The following DPP10 variants were observed in gnomAD, a reference collection of about 807,000 sequenced individuals.
DPP10 encodes dipeptidyl peptidase like 10, also known as inactive dipeptidyl peptidase 10.
DPP10 carries 33 observed loss-of-function variants against 120.9 expected under a neutral mutation model. The observed-to-expected ratio is 0.27, with a 90% CI of 0.21 to 0.37. The LOEUF (loss-of-function observed/expected upper bound fraction) is 0.37. DPP10 is among the 10% of genes least tolerant of loss of function. The probability of loss-of-function intolerance (pLI) is 1.00; values close to 1 mark genes in which losing one functional copy is unlikely to be tolerated. For synonymous variants in DPP10, 337 were observed against 326.1 expected (o/e 1.03, Z -0.36); for missense variants, 816 against 942.8 (o/e 0.87, Z 1.76).
In DPP10 at chr2:115,727,948, A is replaced by G. The variant is rs746141390; in HGVS notation, c.697+12A>G. ...CTGGTTATATGAAGGTGAGTTGATCAGATTTAGTTTCAAAGGAAACAAATG... is the reference window on the plus strand; with the variant it reads ...CTGGTTATATGAAGGTGAGTTGATCGGATTTAGTTTCAAAGGAAACAAATG... On this transcript the variant is annotated intron_variant, in intron 8 of 25. Coordinates refer to ENST00000410059, the MANE Select transcript of DPP10 (RefSeq NM_020868.6). 6.3e-7 allele frequency: 1 copy of G among 1,591,012 alleles called. No homozygotes were observed. Among genetic ancestry groups the G allele is most frequent in the Non-Finnish European group, 8.5e-7 (1 of 1,172,880 alleles).
intron 1 of DPP10, among the ~76,000 whole-genome samples, chr2:114,812,947 T>C (rs950010409): frequency 6.6e-6 from 1 of 152,176 alleles, no homozygotes; most frequent in African/African-American, 2.4e-5. Flanking sequence ...TCCGTATTTT[T>C]TAAGATGCGA....
At chr2:114,839,152 T>G (rs1198483233) in intron 1 of DPP10, among the ~76,000 whole-genome samples, 1 of 152,228 alleles carries the variant, frequency 6.6e-6, no homozygotes. Context: ...TAGCAATTAT[T>G]TCTTGGATGG....
chr2:115,834,495 CAGT>C (rs1450132759), intron 21 of DPP10, among the ~76,000 whole-genome samples: 10 of 137,376 alleles, frequency 7.3e-5, no homozygotes, highest in Admixed American at 2.2e-4. Context: ...ACAGATAGCT[CAGT>C]AGGTCATTTT....
intron 1 of DPP10, among the ~76,000 whole-genome samples, chr2:114,571,012 G>C (rs1457663267): frequency 6.6e-6 from 1 of 151,924 alleles, no homozygotes; most frequent in African/African-American, 2.4e-5. Flanking sequence ...CGGCTTCCAG[G>C]GACTCATCTA....
At chr2:115,436,755 AT>A (rs2071536235) in intron 3 of DPP10, among the ~76,000 whole-genome samples, 1 of 151,926 alleles carries the variant, frequency 6.6e-6, no homozygotes, top group African/African-American at 2.4e-5. Flanking sequence ...TATTGGTCTA[AT>A]TTGAAATTTT....
At chr2:114,713,677 A>G (rs1472114050) in intron 1 of DPP10, among the ~76,000 whole-genome samples, 1 of 152,166 alleles carries the variant, frequency 6.6e-6, no homozygotes, top group Non-Finnish European at 1.5e-5. Context: ...AAAAAGAAAA[A>G]TAATAAGGAT....
chr2:114,547,897 G>A (rs1253853788), intron 1 of DPP10, among the ~76,000 whole-genome samples: 1 of 152,184 alleles, frequency 6.6e-6, no homozygotes, highest in Non-Finnish European at 1.5e-5. Flanking sequence ...TGACCCAGCA[G>A]GGGTGGGCTG....
intron 3 of DPP10, among the ~76,000 whole-genome samples, chr2:115,476,264 T>C (rs560479298): frequency 6.6e-6 from 1 of 152,280 alleles, no homozygotes; most frequent in Non-Finnish European, 1.5e-5. Flanking sequence ...TCATGAGATC[T>C]GATGTTTTAA....
At chr2:114,958,729 A>G (rs1698393768) in intron 1 of DPP10, among the ~76,000 whole-genome samples, 2 of 152,184 alleles carry the variant, frequency 1.3e-5, no homozygotes, top group South Asian at 4.1e-4. Flanking sequence ...TTTTGACTTT[A>G]AATATTGGTA....
At chr2:114,719,507 C>A (rs900893264) in intron 1 of DPP10, among the ~76,000 whole-genome samples, 4 of 152,144 alleles carry the variant, frequency 2.6e-5, no homozygotes, top group Non-Finnish European at 5.9e-5. Flanking sequence ...GGTTTGCATG[C>A]AGGTAGATGC....
Position 115,734,857 on chromosome 2 carries a change from A to T in DPP10, c.698-4882A>T, listed in dbSNP as rs367698061. On this transcript the variant is annotated intron_variant, in intron 8 of 25. Coordinates refer to ENST00000410059, the MANE Select transcript of DPP10 (RefSeq NM_020868.6). ...CAACTGAAGAAAGGTGGCACGTTCA[A>T]AAGGGAGTAATTCAAGGAGTTTAAG... Among the ~76,000 whole-genome samples the T allele has an allele frequency of 3.3e-5, 5 of 152,252 alleles. No homozygotes were observed. The East Asian group carries it at 9.7e-4, about 29-fold the overall frequency.
At chr2:114,667,631 G>A (rs1003505364) in intron 1 of DPP10, among the ~76,000 whole-genome samples, 12 of 152,134 alleles carry the variant, frequency 7.9e-5, no homozygotes, top group African/African-American at 2.9e-4. Flanking sequence ...TTCATGCTTG[G>A]CAAATCCCCC....
At chr2:115,481,324 A>C (rs1043003831) in intron 3 of DPP10, among the ~76,000 whole-genome samples, 1 of 152,140 alleles carries the variant, frequency 6.6e-6, no homozygotes, top group African/African-American at 2.4e-5. Context: ...ATCATTTAAT[A>C]GTGACTCTCT....
chr2:114,908,799 TA>T (rs1245814040), intron 1 of DPP10, among the ~76,000 whole-genome samples: 7 of 151,766 alleles, frequency 4.6e-5, no homozygotes, highest in African/African-American at 1.7e-4. Context: ...CTTGCTTGAT[TA>T]TTTTTTCTGT....
Position 114,587,522 on chromosome 2 carries a change from C to A in DPP10, c.60+144684C>A, listed in dbSNP as rs530817374. ...AGTTATCTAAGTCATATTTATCAAGCTGCAGACAAAGCAACTGAGATGCCA... is the reference window on the plus strand; with the variant it reads ...AGTTATCTAAGTCATATTTATCAAGATGCAGACAAAGCAACTGAGATGCCA... On this transcript the variant is annotated intron_variant, in intron 1 of 25. Transcript: ENST00000410059. 2.6e-5 allele frequency among the ~76,000 whole-genome samples: 4 copies of A among 151,962 alleles called. No individual in the cohort carries two copies. The South Asian group carries it at 8.3e-4, about 32-fold the overall frequency.
At chr2:115,766,584 G>A (rs530219737) in intron 12 of DPP10, among the ~76,000 whole-genome samples, 1 of 151,798 alleles carries the variant, frequency 6.6e-6, no homozygotes, top group African/African-American at 2.4e-5. Flanking sequence ...CAAATTATAC[G>A]TTGAATGGTG....
At chr2:114,563,217 CAA>C (rs1262673169) in intron 1 of DPP10, among the ~76,000 whole-genome samples, 1 of 152,046 alleles carries the variant, frequency 6.6e-6, no homozygotes, top group Non-Finnish European at 1.5e-5. Context: ...ACTAAAAACA[CAA>C]AAATTAGCTG....
chr2:114,840,935 A>C (rs558764060), intron 1 of DPP10, among the ~76,000 whole-genome samples: 3 of 152,054 alleles, frequency 2.0e-5, no homozygotes, highest in Non-Finnish European at 2.9e-5. Context: ...TCATCCTTAC[A>C]TATGTAAATC....
intron 1 of DPP10, among the ~76,000 whole-genome samples, chr2:114,639,887 G>A (rs1695580737): frequency 6.6e-6 from 1 of 151,766 alleles, no homozygotes; most frequent in African/African-American, 2.4e-5. Flanking sequence ...GATTTCTATT[G>A]GAATCAGTTG....
Sources: allele counts gnomAD v4.1 joint callset (sites outside exome capture counted in the v4.1 genomes callset), GRCh38; gene constraint gnomAD v4.1.1; transcripts MANE v1.5; gene names NCBI Gene and HGNC (gene_info 2026-07-23, HGNC 2026-07-21).